SPHKAP: variants seen among roughly 807,000 people sequenced by gnomAD.
SPHKAP encodes the protein A-kinase anchor protein SPHKAP.
Under a neutral mutation model 137.5 loss-of-function variants are expected in SPHKAP, and 67 were observed. That is an observed-to-expected ratio of 0.49 (90% CI 0.40 to 0.60). The LOEUF (loss-of-function observed/expected upper bound fraction) is 0.60, where lower values mean the gene tolerates loss of function less well. Ranked by LOEUF, SPHKAP falls within the 20% of genes least tolerant of loss-of-function variation. The pLI is 0.00. For missense variants in SPHKAP, 2,097 were observed against 2,069.3 expected (o/e 1.01, Z -0.26); for synonymous variants, 813 against 785.3 (o/e 1.04, Z -0.59).
At chr2:227,982,444 C>T (rs1009303610) in intron 11 of SPHKAP, 2 of 840,224 alleles carry the variant, frequency 2.4e-6, no homozygotes, top group Non-Finnish European at 2.9e-6. Flanking sequence ...TTAGATTTGT[C>T]ACCTGGGTAT....
chr2:227,999,405 T>C (rs1693763527), intron 7 of SPHKAP, among the ~76,000 whole-genome samples: 2 of 152,100 alleles, frequency 1.3e-5, no homozygotes, highest in Admixed American at 1.3e-4. Flanking sequence ...TGATGACAAA[T>C]GGAAATAATA....
chr2:228,016,428 C>T lies in SPHKAP; in HGVS notation c.4426G>A (p.Val1476Met), dbSNP rs150119101. The change falls in exon 7 of 12, where the codon GTG becomes ATG. Residue 1476 changes from valine to methionine, a missense_variant. Coordinates refer to ENST00000392056, the MANE Select transcript of SPHKAP (RefSeq NM_001142644.2). Reference sequence around the variant, plus strand: ...CACCTATGGATTTGACAAGCGCTCACGGCTGTGTCTCCACCTCTCACCACA... The same window carrying T: ...CACCTATGGATTTGACAAGCGCTCATGGCTGTGTCTCCACCTCTCACCACA... ...PDVVRGGDTA[V>M]SACQIHSDSL... 30 of 1,602,880 alleles carry T rather than the reference C, an allele frequency of 1.9e-5. No individual in the cohort carries two copies. The highest frequency in any genetic ancestry group is 2.2e-5 in the East Asian group (1 of 44,844).
intron 2 of SPHKAP, among the ~76,000 whole-genome samples, chr2:228,120,951 T>G (rs930135168): frequency 6.6e-6 from 1 of 152,208 alleles, no homozygotes; most frequent in African/African-American, 2.4e-5. Flanking sequence ...TAATTGTTAT[T>G]TAGAGTCAGC....
chr2:228,003,932 GC>G (rs1694017209), intron 7 of SPHKAP, among the ~76,000 whole-genome samples: 1 of 152,158 alleles, frequency 6.6e-6, no homozygotes, highest in Non-Finnish European at 1.5e-5. Context: ...ATGGTGATAA[GC>G]TTTTTGATGT....
chr2:228,149,017 T>G (rs991085701), intron 1 of SPHKAP, among the ~76,000 whole-genome samples: 1 of 152,188 alleles, frequency 6.6e-6, no homozygotes. Flanking sequence ...CTGATTGAGC[T>G]TCATATAATT....
chr2:228,080,268 A>G (rs1697320869), intron 3 of SPHKAP, among the ~76,000 whole-genome samples: 1 of 152,240 alleles, frequency 6.6e-6, no homozygotes, highest in South Asian at 2.1e-4. Context: ...AACTCAAACA[A>G]TTCAATAGTA....
rs373283585 is a variant in SPHKAP at position 228,176,805 on chromosome 2, G to T, written c.32+4762C>A. 6.8e-3 allele frequency among the ~76,000 whole-genome samples: 1,032 copies of T among 152,330 alleles called. 16 individuals carry two copies. The highest frequency in any genetic ancestry group is 0.023 in the African/African-American group (963 of 41,564). On this transcript the variant is annotated intron_variant, in intron 1 of 11. Coordinates refer to ENST00000392056, the MANE Select transcript of SPHKAP (RefSeq NM_001142644.2). ...AGAATCGCTCAAATCCCGGAGGGAG[G>T]TGGAGGTTGCAGTGAGCAGAGATCG...
At chr2:228,135,309 A>G (rs1165592300) in intron 1 of SPHKAP, among the ~76,000 whole-genome samples, 1 of 150,896 alleles carries the variant, frequency 6.6e-6, no homozygotes, top group African/African-American at 2.4e-5. Context: ...AAAGCACTTC[A>G]ACAGCCTCTG....
At chr2:228,093,584 G>T (rs1697878913) in intron 3 of SPHKAP, among the ~76,000 whole-genome samples, 1 of 152,072 alleles carries the variant, frequency 6.6e-6, no homozygotes. Context: ...AAATAGCCAG[G>T]TGTAGTGGCT....
intron 3 of SPHKAP, among the ~76,000 whole-genome samples, chr2:228,069,234 T>C (rs1696928755): frequency 6.6e-6 from 1 of 152,116 alleles, no homozygotes; most frequent in African/African-American, 2.4e-5. Flanking sequence ...GCCATTGCAC[T>C]CCAGCCTGGG....
Position 228,017,542 on chromosome 2 carries a change from G to A in SPHKAP, c.3312C>T (p.Ser1104=), listed in dbSNP as rs1211499992. ...CCCTGCTGACCGGCTGGCTCAGCGTGCTCATTAAGCCCAGGCTGTTGACAT... is the reference window on the plus strand; with the variant it reads ...CCCTGCTGACCGGCTGGCTCAGCGTACTCATTAAGCCCAGGCTGTTGACAT... The part of the protein sequence containing the change: ...RAYVNSLGLM[S]TLSQPVSRAS... The change falls in exon 7 of 12, where the codon AGC becomes AGT. Residue 1104 remains serine, a synonymous_variant. Coordinates refer to ENST00000392056, the MANE Select transcript of SPHKAP (RefSeq NM_001142644.2). 6.2e-7 allele frequency: 1 copy of A among 1,613,172 alleles called. No homozygotes were observed. Among genetic ancestry groups the A allele is most frequent in the African/African-American group, 1.3e-5 (1 of 74,930 alleles).
Position 228,166,867 on chromosome 2 carries a change from G to A in SPHKAP, c.32+14700C>T, listed in dbSNP as rs115697249. ...TGTACAGGAAGCATAGAACTGGCAT[G>A]TGCTTCCAGAAAGTTTTCTGGAAGT... On this transcript the variant is annotated intron_variant, in intron 1 of 11. Transcript: ENST00000392056. Among the ~76,000 whole-genome samples, 703 of 152,264 alleles carry A rather than the reference G, an allele frequency of 4.6e-3. 3 individuals are homozygous for A. The highest frequency in any genetic ancestry group is 0.016 in the African/African-American group (660 of 41,566).
chr2:228,059,194 T>G (rs1486834432), intron 3 of SPHKAP, among the ~76,000 whole-genome samples: 1 of 152,172 alleles, frequency 6.6e-6, no homozygotes, highest in Non-Finnish European at 1.5e-5. Context: ...ATTCACTCAT[T>G]TGTCTAGTCA....
chr2:228,054,608 G>A (rs1276642996), intron 3 of SPHKAP, among the ~76,000 whole-genome samples: 7 of 152,220 alleles, frequency 4.6e-5, no homozygotes, highest in Admixed American at 2.0e-4. Flanking sequence ...AAATACACAC[G>A]TTTGGTTCAC....
At chr2:228,104,317 T>TATAATATTAAATAATTTAATATTAAA (rs1231231130) in intron 3 of SPHKAP, among the ~76,000 whole-genome samples, 53 of 145,748 alleles carry the variant, frequency 3.6e-4, no homozygotes, top group East Asian at 7.8e-4. Flanking sequence ...ATATTAATAA[T>TATAATATTAAATAATTTAATATTAAA]ATAATATTAA....
chr2:228,040,359 A>G (rs1156793703), intron 3 of SPHKAP, among the ~76,000 whole-genome samples: 1 of 152,184 alleles, frequency 6.6e-6, no homozygotes, highest in Non-Finnish European at 1.5e-5. Context: ...CCTGGACCAA[A>G]ATTACCTTCT....
intron 3 of SPHKAP, among the ~76,000 whole-genome samples, chr2:228,099,637 T>C (rs1365804427): frequency 2.0e-5 from 3 of 152,226 alleles, no homozygotes; most frequent in African/African-American, 7.2e-5. Context: ...TTTAATGATA[T>C]TGATTCTTCT....
intron 2 of SPHKAP, among the ~76,000 whole-genome samples, chr2:228,121,066 G>A (rs957886909): frequency 5.3e-5 from 8 of 152,200 alleles, no homozygotes; most frequent in African/African-American, 9.6e-5. Context: ...TATGAAGTGC[G>A]TGAAAGCCTT....
chr2:228,117,252 TTGA>T lies in SPHKAP; in HGVS notation c.139-8316_139-8314del, dbSNP rs532542154. Among the ~76,000 whole-genome samples, 296 of 152,296 alleles carry T rather than the reference TTGA, an allele frequency of 1.9e-3. 2 individuals carry two copies. The highest frequency in any genetic ancestry group is 6.9e-3 in the African/African-American group (285 of 41,580). On this transcript the variant is annotated intron_variant, in intron 2 of 11. Coordinates refer to ENST00000392056, the MANE Select transcript of SPHKAP (RefSeq NM_001142644.2). ...TGAATACATTTATTAGACTCTATAC[TTGA>T]TGATAACTTTGGACGGTGTGATGTT...
Sources: gnomAD v4.1 joint callset for allele counts (sites outside exome capture counted in the v4.1 genomes callset) on GRCh38, gnomAD v4.1.1 for gene constraint, MANE v1.5 for transcripts, NCBI Gene and HGNC (gene_info 2026-07-23, HGNC 2026-07-21) for gene names.